The following EHBP1 variants were observed in gnomAD, a reference collection of about 807,000 sequenced individuals.
EHBP1 encodes EH domain-binding protein 1.
A neutral mutation model predicts 144.0 loss-of-function variants in EHBP1; 55 were observed. The observed-to-expected ratio is 0.38, with a 90% CI of 0.31 to 0.48. The LOEUF is 0.48. Ranked by LOEUF, EHBP1 falls within the 20% of genes least tolerant of loss-of-function variation. The pLI is 0.98. For synonymous variants in EHBP1, 469 were observed against 472.7 expected (o/e 0.99, Z 0.10); for missense variants, 1,200 against 1,364.2 (o/e 0.88, Z 1.90).
Position 62,874,527 on chromosome 2 carries a change from C to T in EHBP1, c.1180C>T (p.Pro394Ser), listed in dbSNP as rs1288805361. 6.3e-7 allele frequency: 1 copy of T among 1,591,764 alleles called. No individual in the cohort carries two copies. Among genetic ancestry groups the T allele is most frequent in the Non-Finnish European group, 8.5e-7 (1 of 1,170,182 alleles). The change falls in exon 10 of 23, where the codon CCT (proline) becomes TCT (serine). Residue 394 changes from proline (P) to serine (S), a missense_variant. Around this residue, in one of 6 missense-constraint regions of EHBP1, gnomAD observed 266 missense variants for 262.4 expected, o/e 1.01. Transcript: ENST00000431489. ...VSAGKDLSTSPKPSPIPSPVL... is the reference protein window; with the variant it reads ...VSAGKDLSTSSKPSPIPSPVL... The stretch of plus-strand genomic sequence containing the variant: ...TGCAGGAAAAGATCTCTCTACTTCT[C>T]CTAAGGTAGGATTTTATTCATAGTA...
intron 14 of EHBP1, among the ~76,000 whole-genome samples, chr2:62,966,186 A>T (rs958148428): frequency 1.1e-4 from 17 of 152,164 alleles, no homozygotes; most frequent in Non-Finnish European, 2.5e-4. Context: ...AGAGTACTGT[A>T]TTTGTTTTCC....
chr2:62,831,120 A>T lies in EHBP1; in HGVS notation c.596A>T (p.Asn199Ile). 4.4e-6 allele frequency: 7 copies of T among 1,605,974 alleles called. 1 individual carries two copies. The highest frequency in any genetic ancestry group is 5.9e-6 in the Non-Finnish European group (7 of 1,177,872). The change falls in exon 7 of 23, where the codon AAC becomes ATC. Residue 199 changes from asparagine (N) to isoleucine (I), a missense_variant. Around this residue, in one of 6 missense-constraint regions of EHBP1, gnomAD observed 266 missense variants for 262.4 expected, o/e 1.01. Transcript: ENST00000431489. ...GAAGATAATGAAGATGATGATGAGAACAGAGTGAACCAAGAAGAAAAGGCA... is the reference window on the plus strand; with the variant it reads ...GAAGATAATGAAGATGATGATGAGATCAGAGTGAACCAAGAAGAAAAGGCA... The part of the protein sequence containing the change: ...FEEDNEDDDE[N>I]RVNQEEKAAK...
intron 14 of EHBP1, among the ~76,000 whole-genome samples, chr2:62,967,921 C>T (rs551366977): frequency 1.3e-5 from 2 of 151,856 alleles, no homozygotes. Context: ...GAGAAAAGCC[C>T]TTAAGTGAAG....
chr2:62,864,985 A>C lies in EHBP1; in HGVS notation c.998+14A>C. 1 of 1,610,114 alleles carries C rather than the reference A, an allele frequency of 6.2e-7. No individual in the cohort carries two copies. Among genetic ancestry groups the C allele is most frequent in the African/African-American group, 1.3e-5 (1 of 74,724 alleles). On this transcript the variant is annotated intron_variant, in intron 9 of 22. Transcript: ENST00000431489. ...AGAATTGGATGAGTAAGTACATTTCATTTTGCTGTCATCACAAGTTAGTCT... is the reference window on the plus strand; with the variant it reads ...AGAATTGGATGAGTAAGTACATTTCCTTTTGCTGTCATCACAAGTTAGTCT...
rs2057241825 is a variant in EHBP1, at chr2:62,949,137, C to G, written c.2291C>G (p.Ala764Gly). 3 of 1,559,532 alleles carry G rather than the reference C, an allele frequency of 1.9e-6. No individual in the cohort carries two copies. In the African/African-American group the frequency reaches 4.2e-5, roughly 22 times the overall value. Residue 764 changes from alanine (A) to glycine (G), a missense_variant, in exon 13 of 23, where the codon GCA becomes GGA. By Grantham distance (60) the Ala-to-Gly change is moderately conservative. Around this residue, in one of 6 missense-constraint regions of EHBP1, gnomAD observed 543 missense variants for 513.1 expected, o/e 1.06. Coordinates refer to ENST00000431489, the MANE Select transcript of EHBP1 (RefSeq NM_001142616.3). ...GCTGATAGAACCACTTTAAATCATG[C>G]AGATCATTCATCAAAAATAGTCCAG... ...PDADRTTLNHADHSSKIVQHR... is the reference protein window; with the variant it reads ...PDADRTTLNHGDHSSKIVQHR...
chr2:62,736,285 G>A (rs1293901149), intron 2 of EHBP1, among the ~76,000 whole-genome samples: 1 of 140,484 alleles, frequency 7.1e-6, no homozygotes, highest in Admixed American at 7.3e-5. Flanking sequence ...GGAGTACAGT[G>A]GTGCGTTCTT....
intron 8 of EHBP1, among the ~76,000 whole-genome samples, chr2:62,861,757 A>G (rs1305008194): frequency 6.6e-6 from 1 of 151,836 alleles, no homozygotes; most frequent in Admixed American, 6.6e-5. Flanking sequence ...GGAAAAAAAA[A>G]AAAAGAAAGA....
intron 7 of EHBP1, among the ~76,000 whole-genome samples, chr2:62,837,371 G>C (rs1173973446): frequency 6.8e-6 from 1 of 147,876 alleles, no homozygotes; most frequent in Non-Finnish European, 1.5e-5. Context: ...ACCGGTACCA[G>C]CCGCTGCAAA....
chr2:62,996,091 G>A (rs1410598232), intron 18 of EHBP1, among the ~76,000 whole-genome samples: 1 of 151,888 alleles, frequency 6.6e-6, no homozygotes, highest in Non-Finnish European at 1.5e-5. Flanking sequence ...GAGATATTGT[G>A]AACTTCCCTT....
At chr2:62,779,116 T>C (rs150100356) in intron 5 of EHBP1, among the ~76,000 whole-genome samples, 42 of 152,316 alleles carry the variant, frequency 2.8e-4, no homozygotes, top group Non-Finnish European at 5.1e-4. Flanking sequence ...ATAATCTAAC[T>C]ATCAGTAGAG....
At chr2:62,760,317 G>A (rs1301899799) in intron 3 of EHBP1, among the ~76,000 whole-genome samples, 2 of 152,178 alleles carry the variant, frequency 1.3e-5, no homozygotes, top group African/African-American at 2.4e-5. Context: ...ACTCAGCCAG[G>A]TTGTACAGCC....
At position 62,803,663 on chromosome 2, in the gene EHBP1, T is replaced by C. The variant is rs758893657; in HGVS notation, c.313-22424T>C. Among the ~76,000 whole-genome samples, 3 of 152,256 alleles carry C rather than the reference T, an allele frequency of 2.0e-5. No individual in the cohort carries two copies. In the East Asian group the frequency reaches 5.8e-4, roughly 29 times the overall value. Reference sequence around the variant, plus strand: ...TTGAAATAACTGCATTTTTCGTACTTATTTATAGATCCTTATGTGTTCTAT... The same window carrying C: ...TTGAAATAACTGCATTTTTCGTACTCATTTATAGATCCTTATGTGTTCTAT... On this transcript the variant is annotated intron_variant, in intron 5 of 22. Transcript: ENST00000431489.
chr2:62,729,382 T>A (rs1462479673), intron 2 of EHBP1, among the ~76,000 whole-genome samples: 1 of 120,024 alleles, frequency 8.3e-6, no homozygotes, highest in Non-Finnish European at 1.6e-5. Flanking sequence ...TAATAATAAA[T>A]ATCATATTTA....
At chr2:62,835,165 T>C (rs942467926) in intron 7 of EHBP1, among the ~76,000 whole-genome samples, 1 of 152,184 alleles carries the variant, frequency 6.6e-6, no homozygotes, top group African/African-American at 2.4e-5. Context: ...AACCTATCTG[T>C]GTTATTTTAA....
At chr2:62,734,199 C>CT (rs906344553) in intron 2 of EHBP1, among the ~76,000 whole-genome samples, 16 of 149,646 alleles carry the variant, frequency 1.1e-4, no homozygotes, top group East Asian at 2.0e-4. Flanking sequence ...TTCAGTATGC[C>CT]TTTTTTTTTG....
At chr2:62,970,347 GACAAA>G (rs2058440087) in intron 14 of EHBP1, among the ~76,000 whole-genome samples, 1 of 152,034 alleles carries the variant, frequency 6.6e-6, no homozygotes, top group South Asian at 2.1e-4. Context: ...AAACACCGAA[GACAAA>G]ACAAATAAGC....
chr2:62,880,932 A>G (rs2051353010), intron 10 of EHBP1, among the ~76,000 whole-genome samples: 1 of 151,892 alleles, frequency 6.6e-6, no homozygotes, highest in Non-Finnish European at 1.5e-5. Context: ...ACCCAAACAT[A>G]CTAGGTATGT....
chr2:62,877,976 G>C (rs2051034962), intron 10 of EHBP1, among the ~76,000 whole-genome samples: 1 of 152,108 alleles, frequency 6.6e-6, no homozygotes, highest in East Asian at 1.9e-4. Context: ...CAAATCTTCA[G>C]CCAAAATCAG....
At chr2:62,699,494 C>T (rs2034209018) in intron 1 of EHBP1, among the ~76,000 whole-genome samples, 1 of 152,204 alleles carries the variant, frequency 6.6e-6, no homozygotes, top group Non-Finnish European at 1.5e-5. Context: ...CAGCTAGCTG[C>T]TTTTACCTTG....
Sources: allele counts gnomAD v4.1 joint callset (sites outside exome capture counted in the v4.1 genomes callset), GRCh38; gene constraint gnomAD v4.1.1; regional missense constraint gnomAD v4.1.1; transcripts MANE v1.5; gene names NCBI Gene and HGNC (gene_info 2026-07-23, HGNC 2026-07-21).